Variants in IFTAP observed in about 807,000 individuals in gnomAD.
IFTAP encodes the protein intraflagellar transport-associated protein.
Under a neutral mutation model 19.4 loss-of-function variants are expected in IFTAP, and 19 were observed. The ratio of observed to expected loss-of-function variants is 0.98; its 90% CI spans 0.68 to 1.44. The LOEUF (loss-of-function observed/expected upper bound fraction) is 1.44. IFTAP is among the 40% of genes most tolerant of loss of function. IFTAP has a pLI of 0.00. For missense variants in IFTAP, 240 were observed against 253.6 expected, an observed-to-expected ratio of 0.95 and a Z score of 0.36; for synonymous variants, 85 against 83.5, an observed-to-expected ratio of 1.02 and a Z score of -0.10.
intron 1 of IFTAP, among the ~76,000 whole-genome samples, chr11:36,606,693 A>T (rs559220180): frequency 6.6e-6 from 1 of 152,260 alleles, no homozygotes; most frequent in Non-Finnish European, 1.5e-5. Context: ...ACAGGAATGG[A>T]AACCACAACC....
chr11:36,608,061 T>G (rs1565006738), intron 1 of IFTAP, among the ~76,000 whole-genome samples: 1 of 152,212 alleles, frequency 6.6e-6, no homozygotes, highest in Non-Finnish European at 1.5e-5. Flanking sequence ...TTTGACAGAA[T>G]AGGCTAGATC....
chr11:36,604,001 T>C (rs1851601643), intron 1 of IFTAP, among the ~76,000 whole-genome samples: 1 of 152,170 alleles, frequency 6.6e-6, no homozygotes, highest in Non-Finnish European at 1.5e-5. Flanking sequence ...TAAGGCATCC[T>C]TTGTGCTATC....
chr11:36,626,203 C>T (rs948430726), intron 2 of IFTAP, among the ~76,000 whole-genome samples: 4 of 151,312 alleles, frequency 2.6e-5, no homozygotes, highest in South Asian at 2.1e-4. Context: ...TATATGTCCT[C>T]GATTAAATAA....
chr11:36,631,301 G>A (rs529605387), intron 2 of IFTAP, among the ~76,000 whole-genome samples: 1 of 151,514 alleles, frequency 6.6e-6, no homozygotes, highest in African/African-American at 2.5e-5. Context: ...GCTGGCCTGA[G>A]CTGGTGTTAT....
chr11:36,602,363 T>G (rs1319689817), intron 1 of IFTAP, among the ~76,000 whole-genome samples: 1 of 152,176 alleles, frequency 6.6e-6, no homozygotes, highest in Non-Finnish European at 1.5e-5. Context: ...TCCTGTGCAT[T>G]GTGCAGGTGG....
chr11:36,617,169 ATAT>A (rs1852122602), intron 2 of IFTAP, among the ~76,000 whole-genome samples: 1 of 148,446 alleles, frequency 6.7e-6, no homozygotes, highest in Non-Finnish European at 1.5e-5. Context: ...ATTAAAAATG[ATAT>A]TACTTTTTAT....
At chr11:36,652,882 T>C (rs1173753899) in intron 5 of IFTAP, among the ~76,000 whole-genome samples, 2 of 152,098 alleles carry the variant, frequency 1.3e-5, no homozygotes, top group Non-Finnish European at 2.9e-5. Flanking sequence ...TTACCTTGCC[T>C]TAGTTACTTT....
intron 4 of IFTAP, among the ~76,000 whole-genome samples, chr11:36,638,542 G>A (rs954135851): frequency 2.0e-5 from 3 of 152,062 alleles, no homozygotes; most frequent in Non-Finnish European, 4.4e-5. Flanking sequence ...TGCACAATCT[G>A]GGTCATTTAA....
chr11:36,634,714 C>A (rs1460092230), intron 3 of IFTAP, among the ~76,000 whole-genome samples: 2 of 152,124 alleles, frequency 1.3e-5, no homozygotes, highest in African/African-American at 4.8e-5. Context: ...TTTCAATTTT[C>A]TTGGCAAAAA....
intron 2 of IFTAP, among the ~76,000 whole-genome samples, chr11:36,631,969 T>C (rs1852746257): frequency 6.6e-6 from 1 of 151,240 alleles, no homozygotes; most frequent in Admixed American, 6.6e-5. Flanking sequence ...CCTTTTTTCT[T>C]CTATTCTCTA....
intron 4 of IFTAP, among the ~76,000 whole-genome samples, chr11:36,638,415 C>A (rs74378940): frequency 0.059 from 9,052 of 152,192 alleles, 601 homozygotes; most frequent in African/African-American, 0.17. Context: ...TGAATGAACT[C>A]GTCAAGACCT....
intron 4 of IFTAP, among the ~76,000 whole-genome samples, chr11:36,636,557 C>G (rs1334653828): frequency 6.6e-6 from 1 of 152,186 alleles, no homozygotes; most frequent in Non-Finnish European, 1.5e-5. Context: ...GTTACTGAGG[C>G]TGAACCAAGT....
intron 5 of IFTAP, among the ~76,000 whole-genome samples, chr11:36,648,683 A>G (rs1853589111): frequency 6.6e-6 from 1 of 152,096 alleles, no homozygotes; most frequent in South Asian, 2.1e-4. Flanking sequence ...CTGGATGTCC[A>G]TTATATTTTA....
At chr11:36,623,151 T>C (rs1416824242) in intron 2 of IFTAP, among the ~76,000 whole-genome samples, 1 of 152,164 alleles carries the variant, frequency 6.6e-6, no homozygotes, top group Non-Finnish European at 1.5e-5. Flanking sequence ...AGTAGATTCC[T>C]AGGGATCTTG....
intron 5 of IFTAP, among the ~76,000 whole-genome samples, chr11:36,654,628 C>A (rs146501051): frequency 6.6e-6 from 1 of 152,274 alleles, no homozygotes; most frequent in East Asian, 1.9e-4. Flanking sequence ...ATTGGTATCT[C>A]TAGCTTCACA....
intron 3 of IFTAP, among the ~76,000 whole-genome samples, chr11:36,634,081 A>G (rs1852839348): frequency 6.6e-6 from 1 of 152,138 alleles, no homozygotes; most frequent in African/African-American, 2.4e-5. Context: ...TGTGTTAGAA[A>G]TATGTTTATA....
At chr11:36,651,125 C>G (rs71481983) in intron 5 of IFTAP, among the ~76,000 whole-genome samples, 1 of 152,092 alleles carries the variant, frequency 6.6e-6, no homozygotes, top group African/African-American at 2.4e-5. Context: ...GCTGAGGAGT[C>G]GCCACACTGT....
intron 4 of IFTAP, among the ~76,000 whole-genome samples, chr11:36,636,923 GTT>G (rs10616172): frequency 0.14 from 19,201 of 136,372 alleles, 1,512 homozygotes; most frequent in African/African-American, 0.23. Flanking sequence ...AAATCAGGAA[GTT>G]TTTTTTTTTT....
At chr11:36,602,664 T>C (rs1851549635) in intron 1 of IFTAP, among the ~76,000 whole-genome samples, 1 of 152,160 alleles carries the variant, frequency 6.6e-6, no homozygotes, top group East Asian at 1.9e-4. Flanking sequence ...ATTGATATAG[T>C]TGATAGCATT....
Sources: allele counts gnomAD v4.1 joint callset (sites outside exome capture counted in the v4.1 genomes callset), GRCh38; gene constraint gnomAD v4.1.1; transcripts MANE v1.5; gene names NCBI Gene and HGNC (gene_info 2026-07-23, HGNC 2026-07-21).